PIK3R3: variants seen among roughly 807,000 people sequenced by gnomAD.
PIK3R3 encodes the protein phosphoinositide-3-kinase regulatory subunit 3, also known as phosphatidylinositol 3-kinase regulatory subunit gamma.
PIK3R3 carries 64 observed loss-of-function variants against 62.9 expected under a neutral mutation model. That is an observed-to-expected ratio of 1.02 (90% CI 0.83 to 1.25). The LOEUF (loss-of-function observed/expected upper bound fraction) is 1.25, where lower values mean the gene tolerates loss of function less well. Among genes scored for constraint, PIK3R3 ranks in the 50% most tolerant of loss-of-function variants. The pLI, the probability that PIK3R3 is intolerant of heterozygous loss-of-function variation, is 0.00. For synonymous variants in PIK3R3, 165 were observed against 189.0 expected (o/e 0.87, Z 1.04); for missense variants, 614 against 561.6 (o/e 1.09, Z -0.94).
At chr1:46,117,084 C>G (rs1654250665) in intron 1 of PIK3R3, among the ~76,000 whole-genome samples, 1 of 152,306 alleles carries the variant, frequency 6.6e-6, no homozygotes, top group South Asian at 2.1e-4. Flanking sequence ...CTCCCCTTCA[C>G]AGCCCACCAA....
In PIK3R3 at chr1:46,045,617, C is replaced by CTTTTTTTTTTTT. The variant is rs1031388121; in HGVS notation, c.1187+289_1187+300dup. On this transcript the variant is annotated intron_variant, in intron 9 of 9. Coordinates refer to ENST00000262741, the MANE Select transcript of PIK3R3 (RefSeq NM_003629.4). Reference sequence around the variant, plus strand: ...TAGGATACTACTAAACAATTAAGTGCTTTTTTTTTTTTTTTTTTTTTTTTT... The same window carrying CTTTTTTTTTTTT: ...TAGGATACTACTAAACAATTAAGTGCTTTTTTTTTTTTTTTTTTTTTTTTTTTTTTTTTTTTT... Among the ~76,000 whole-genome samples, 4 of 21,212 alleles carry CTTTTTTTTTTTT rather than the reference C, an allele frequency of 1.9e-4. 2 individuals are homozygous for CTTTTTTTTTTTT. The highest frequency in any genetic ancestry group is 3.2e-4 in the Non-Finnish European group (4 of 12,632). The allele number at this position is 21,212 out of a possible 152,430, so 13.9% of individuals were successfully genotyped here.
At chr1:46,043,925 G>A (rs1402309408) in intron 9 of PIK3R3, 54 bp from the exon 10 acceptor site, 9 of 1,424,626 alleles carry the variant, frequency 6.3e-6, no homozygotes, top group Non-Finnish European at 7.8e-6. Context: ...TAGATAAAAG[G>A]ACACTAAATG....
the PIK3R3 span, among the ~76,000 whole-genome samples, chr1:46,165,672 C>A: frequency 3.8e-4 from 58 of 150,686 alleles, no homozygotes; most frequent in African/African-American, 1.4e-3. Flanking sequence ...TTTTCCAGGG[C>A]CAAACCGTAA....
chr1:46,129,986 T>C (rs1655434460), intron 1 of PIK3R3, among the ~76,000 whole-genome samples: 2 of 152,256 alleles, frequency 1.3e-5, no homozygotes, highest in Non-Finnish European at 1.5e-5. Flanking sequence ...GAATTTTCTA[T>C]ACAACCTTAT....
At chr1:46,058,906 T>C (rs957768815) in intron 6 of PIK3R3, among the ~76,000 whole-genome samples, 85 of 152,070 alleles carry the variant, frequency 5.6e-4, no homozygotes, top group African/African-American at 2.0e-3. Context: ...AGATAAAGGA[T>C]TTGGGAGGGG....
chr1:46,132,379 G>A lies in PIK3R3; in HGVS notation c.-427C>T, dbSNP rs1655693201. ...AAAGAACACGTTGGGAGAAACCCGG[G>A]CAAGTGACAAAGGAAGGCAAAAAAG... On this transcript the variant is annotated 5_prime_UTR_variant, in exon 1 of 10. Transcript: ENST00000262741. 3.6e-6 allele frequency: 4 copies of A among 1,123,516 alleles called. No homozygotes were observed. Among genetic ancestry groups the A allele is most frequent in the Non-Finnish European group, 4.4e-6 (4 of 909,416 alleles). 69.6% of individuals were successfully genotyped at this position (1,123,516 alleles called of 1,614,324 possible).
intron 1 of PIK3R3, among the ~76,000 whole-genome samples, chr1:46,121,061 T>G (rs1485383333): frequency 6.6e-6 from 1 of 152,218 alleles, no homozygotes; most frequent in African/African-American, 2.4e-5. Context: ...GATGGCAGAA[T>G]TGAGCAATAT....
intron 1 of PIK3R3, among the ~76,000 whole-genome samples, chr1:46,090,341 TTTA>T (rs1440767587): frequency 1.2e-3 from 182 of 151,964 alleles, no homozygotes; most frequent in African/African-American, 1.6e-3. Flanking sequence ...TATTTATTTA[TTTA>T]TTTTTTTGAG....
At chr1:46,045,002 A>C (rs1448914060) in intron 9 of PIK3R3, among the ~76,000 whole-genome samples, 1 of 152,234 alleles carries the variant, frequency 6.6e-6, no homozygotes, top group East Asian at 1.9e-4. Flanking sequence ...CTAAGGGCAC[A>C]ATCATTTTGT....
At chr1:46,160,501 AAACCCAGGCAGCTG>A in the PIK3R3 span, among the ~76,000 whole-genome samples, 1 of 152,236 alleles carries the variant, frequency 6.6e-6, no homozygotes, top group African/African-American at 2.4e-5. Context: ...CATTAACAGA[AAACCCAGGCAGCTG>A]AACCCAGGAG....
the PIK3R3 span, among the ~76,000 whole-genome samples, chr1:46,162,483 T>A: frequency 3.2e-4 from 48 of 152,022 alleles, no homozygotes; most frequent in Admixed American, 5.9e-4. Flanking sequence ...ATAAATAAAT[T>A]AATTAATTAA....
chr1:46,120,122 C>T (rs1256585710), intron 1 of PIK3R3, among the ~76,000 whole-genome samples: 1 of 152,160 alleles, frequency 6.6e-6, no homozygotes, highest in African/African-American at 2.4e-5. Context: ...CACTCATTTA[C>T]TTGCTACACT....
chr1:46,084,860 G>A (rs1365082547), intron 1 of PIK3R3, among the ~76,000 whole-genome samples: 1 of 152,192 alleles, frequency 6.6e-6, no homozygotes, highest in Non-Finnish European at 1.5e-5. Context: ...AGTGATTTGA[G>A]TACATGACCA....
At chr1:46,155,101 C>T in the PIK3R3 span, among the ~76,000 whole-genome samples, 1 of 152,174 alleles carries the variant, frequency 6.6e-6, no homozygotes, top group Admixed American at 6.5e-5. Flanking sequence ...GGGAGAATCA[C>T]TTGAACCCAG....
At chr1:46,120,345 A>C (rs1344310181) in intron 1 of PIK3R3, among the ~76,000 whole-genome samples, 1 of 152,188 alleles carries the variant, frequency 6.6e-6, no homozygotes, top group African/African-American at 2.4e-5. Context: ...TGGGAGGCCA[A>C]GGTGGGTGGA....
At position 46,041,437 on chromosome 1, in the gene PIK3R3, A is replaced by AGAT. The variant is rs1215035524; in HGVS notation, c.*2233_*2235dup. 1 of 174,234 alleles carries AGAT rather than the reference A, an allele frequency of 5.7e-6. No individual in the cohort carries two copies. Among genetic ancestry groups the AGAT allele is most frequent in the Admixed American group, 6.4e-5 (1 of 15,732 alleles). The allele number at this position is 174,234 out of a possible 1,614,324, so 10.8% of individuals were successfully genotyped here. A position where few individuals can be genotyped will look rare whatever the true frequency, so the allele number is the denominator to read the frequency against. The stretch of plus-strand genomic sequence containing the variant: ...CTTCTCCACAAGCCAGCCCAAGTGT[A>AGAT]GATAAAGATGGTACTTGGTCTCTCC... On this transcript the variant is annotated 3_prime_UTR_variant, in exon 10 of 10. Coordinates refer to ENST00000262741, the MANE Select transcript of PIK3R3 (RefSeq NM_003629.4).
chr1:46,077,221 C>G (rs1650145721), intron 3 of PIK3R3, among the ~76,000 whole-genome samples: 1 of 152,108 alleles, frequency 6.6e-6, no homozygotes, highest in South Asian at 2.1e-4. Flanking sequence ...TTAGAATATG[C>G]CCATGACTTC....
rs1655703346 is a variant in PIK3R3 at position 46,132,490 on chromosome 1, C to T, written c.-538G>A. On this transcript the variant is annotated 5_prime_UTR_variant, in exon 1 of 10. Coordinates refer to ENST00000262741, the MANE Select transcript of PIK3R3 (RefSeq NM_003629.4). ...AGAGGCCGGGACTCGGGCTCCTCTCCGGTCGGTCTCGGAACCGAAGCTGCC... is the reference window on the plus strand; with the variant it reads ...AGAGGCCGGGACTCGGGCTCCTCTCTGGTCGGTCTCGGAACCGAAGCTGCC... 6.6e-6 allele frequency: 8 copies of T among 1,209,728 alleles called. 1 individual carries two copies. The South Asian group carries it at 1.0e-4, about 16-fold the overall frequency. 74.9% of individuals were successfully genotyped at this position (1,209,728 alleles called of 1,614,324 possible).
In PIK3R3 at chr1:46,044,371, G is replaced by A. The variant is rs1264275971; in HGVS notation, c.1188-500C>T. Among the ~76,000 whole-genome samples the A allele has an allele frequency of 2.6e-5, 4 of 152,172 alleles. No individual in the cohort carries two copies. Among genetic ancestry groups the A allele is most frequent in the Non-Finnish European group, 5.9e-5 (4 of 68,034 alleles). On this transcript the variant is annotated intron_variant, in intron 9 of 9. Transcript: ENST00000262741. This position sits in a 1 kb window ranked among gnomAD's most constrained non-coding sequence, Gnocchi z 4.2. ...TTACAGGTGTGAGCCACCACGCCCA[G>A]CCAAGGGTAGTTTTTGATTAATCAG...
Sources: gnomAD v4.1 joint callset for allele counts (sites outside exome capture counted in the v4.1 genomes callset) on GRCh38, gnomAD v4.1.1 for gene constraint, Gnocchi (gnomAD v3.1) non-coding constraint, MANE v1.5 for transcripts, NCBI Gene and HGNC (gene_info 2026-07-23, HGNC 2026-07-21) for gene names.